Variants in NEK6 observed in about 807,000 individuals in gnomAD.
NEK6 encodes the protein NIMA related kinase 6, also known as serine/threonine-protein kinase Nek6.
Under a neutral mutation model 43.5 loss-of-function variants are expected in NEK6, and 27 were observed. That is an observed-to-expected ratio of 0.62 (90% CI 0.46 to 0.86). The LOEUF is 0.86. NEK6 is among the 40% of genes least tolerant of loss of function. The probability of loss-of-function intolerance (pLI) is 0.00; values close to 1 mark genes in which losing one functional copy is unlikely to be tolerated. For synonymous variants in NEK6, 167 were observed against 164.1 expected, an observed-to-expected ratio of 1.02 and a Z score of -0.14; for missense variants, 318 against 414.4, an observed-to-expected ratio of 0.77 and a Z score of 2.02.
intron 1 of NEK6, among the ~76,000 whole-genome samples, chr9:124,297,005 C>G (rs754198709): frequency 6.6e-6 from 1 of 152,256 alleles, no homozygotes; most frequent in Non-Finnish European, 1.5e-5. Flanking sequence ...AGAGCCTCAT[C>G]CATGGCCGGG....
intron 1 of NEK6, among the ~76,000 whole-genome samples, chr9:124,273,552 G>A (rs373032315): frequency 2.4e-3 from 372 of 152,320 alleles, no homozygotes; most frequent in Middle Eastern, 6.8e-3. Flanking sequence ...GGGTGATGGG[G>A]TTTTATAGCA....
intron 1 of NEK6, chr9:124,292,062 G>A (rs1832447019): frequency 9.8e-7 from 1 of 1,024,864 alleles, no homozygotes. Flanking sequence ...GACCTTCCCT[G>A]GAGCTTCTCA....
intron 1 of NEK6, among the ~76,000 whole-genome samples, chr9:124,269,048 G>A (rs1221489018): frequency 1.3e-5 from 2 of 152,134 alleles, no homozygotes; most frequent in Non-Finnish European, 2.9e-5. Flanking sequence ...ATGTTTTGGG[G>A]TTTTATGACA....
chr9:124,285,651 G>A (rs1447996041), intron 1 of NEK6, among the ~76,000 whole-genome samples: 2 of 152,148 alleles, frequency 1.3e-5, no homozygotes, highest in Non-Finnish European at 2.9e-5. Context: ...AGGCCCGCTG[G>A]CTCCACTGTG....
intron 4 of NEK6, among the ~76,000 whole-genome samples, chr9:124,316,794 C>T (rs546861098): frequency 6.6e-6 from 1 of 152,362 alleles, no homozygotes; most frequent in African/African-American, 2.4e-5. Flanking sequence ...AACCCCCTGC[C>T]CTCAGACGTG....
intron 7 of NEK6, among the ~76,000 whole-genome samples, chr9:124,333,206 C>G (rs1027292722): frequency 6.6e-6 from 1 of 152,312 alleles, no homozygotes; most frequent in Non-Finnish European, 1.5e-5. Context: ...AAAACTCATG[C>G]GAGTTGGGCA....
rs572091232 is a variant in NEK6 at position 124,330,145 on chromosome 9, G to A, written c.622+2700G>A. Among the ~76,000 whole-genome samples, 34 of 152,304 alleles carry A rather than the reference G, an allele frequency of 2.2e-4. 1 individual carries two copies. The South Asian group carries it at 2.7e-3, about 12-fold the overall frequency. ...AAGGGCATTAGTCAGTGCCATGGTC[G>A]GGCTGACAGGTGCGGTACCCAGCGG... is the stretch of plus-strand genomic sequence containing the variant. On this transcript the variant is annotated intron_variant, in intron 7 of 9. Transcript: ENST00000320246.
chr9:124,301,834 T>G, intron 1 of NEK6, 102 bp from the exon 2 acceptor site: 1 of 946,412 alleles, frequency 1.1e-6, no homozygotes, highest in African/African-American at 1.6e-5. Flanking sequence ...TGAACGGCTT[T>G]GCACCTCAGC....
intron 8 of NEK6, among the ~76,000 whole-genome samples, chr9:124,345,079 G>A (rs1829847637): frequency 6.6e-6 from 1 of 152,206 alleles, no homozygotes; most frequent in South Asian, 2.1e-4. Flanking sequence ...CTCCTGGTGG[G>A]GGCCAGGGCC....
chr9:124,283,105 A>G (rs982852554), intron 1 of NEK6, among the ~76,000 whole-genome samples: 47 of 152,220 alleles, frequency 3.1e-4, no homozygotes, highest in African/African-American at 9.4e-4. Context: ...ATCTCAAGCA[A>G]GGGAGTCCCA....
At chr9:124,280,862 G>A (rs1023807176) in intron 1 of NEK6, among the ~76,000 whole-genome samples, 10 of 151,998 alleles carry the variant, frequency 6.6e-5, no homozygotes, top group South Asian at 6.2e-4. Context: ...TCGTGATCTC[G>A]GCTCACTGCA....
chr9:124,327,282 C>T, intron 6 of NEK6, 56 bp from the exon 7 acceptor site: 1 of 1,428,650 alleles, frequency 7.0e-7, no homozygotes, highest in Non-Finnish European at 9.9e-7. Context: ...TCTCGTCCTG[C>T]CCCACCTACC....
chr9:124,326,202 T>TCCACCCCCCCC lies in NEK6; in HGVS notation c.406-126_406-125insACCCCCCCCCC. ...GCTTATTGTTTGCTCAGTGGCTCAA[T>TCCACCCCCCCC]CCCCCCCCCCCGCCCCTGCCAGGCA... On this transcript the variant is annotated intron_variant, in intron 5 of 9. Transcript: ENST00000320246. This position sits in a 1 kb window ranked among gnomAD's most constrained non-coding sequence, Gnocchi z 4.5. 1 of 124,050 alleles carries TCCACCCCCCCC rather than the reference T, an allele frequency of 8.1e-6. No individual in the cohort carries two copies. Among genetic ancestry groups the TCCACCCCCCCC allele is most frequent in the South Asian group, 6.5e-5 (1 of 15,360 alleles). The allele number at this position is 124,050 out of a possible 1,614,324, so 7.7% of individuals were successfully genotyped here.
rs376199456 is a variant in NEK6 at position 124,269,636 on chromosome 9, G to T, written c.-30+11551G>T. On this transcript the variant is annotated intron_variant, in intron 1 of 9. Transcript: ENST00000320246. ...CCTCGGTGGACTTTCTAAATCACAG[G>T]AAAGGAAGGTGATGTCTGTAAAATG... is the stretch of plus-strand genomic sequence containing the variant. Among the ~76,000 whole-genome samples the T allele has an allele frequency of 2.6e-3, 397 of 152,202 alleles. 3 individuals carry two copies. The highest frequency in any genetic ancestry group is 8.5e-3 in the African/African-American group (355 of 41,524).
chr9:124,259,085 C>G (rs1232120927), intron 1 of NEK6, among the ~76,000 whole-genome samples: 1 of 152,192 alleles, frequency 6.6e-6, no homozygotes, highest in African/African-American at 2.4e-5. Context: ...AGGACAGTAA[C>G]AAATTGATCA....
chr9:124,319,537 G>A (rs1028167806), intron 4 of NEK6, among the ~76,000 whole-genome samples: 3 of 152,190 alleles, frequency 2.0e-5, no homozygotes, highest in Admixed American at 6.5e-5. Flanking sequence ...CAAGGCTAAC[G>A]CTGAGAAAGG....
intron 1 of NEK6, among the ~76,000 whole-genome samples, chr9:124,298,742 G>A (rs1832818130): frequency 1.3e-5 from 2 of 152,144 alleles, no homozygotes; most frequent in African/African-American, 4.8e-5. Flanking sequence ...CTTGGGACCC[G>A]GGCAAATCTC....
chr9:124,319,307 TTG>T (rs1028113840), intron 4 of NEK6, among the ~76,000 whole-genome samples: 2,102 of 150,748 alleles, frequency 0.014, 39 homozygotes, highest in African/African-American at 0.05. Flanking sequence ...TTTTAATGTT[TTG>T]TTTTTTTTTA....
At chr9:124,339,893 G>A (rs905947735) in intron 8 of NEK6, among the ~76,000 whole-genome samples, 2 of 91,334 alleles carry the variant, frequency 2.2e-5, no homozygotes, top group African/African-American at 7.5e-5. Context: ...AGCAGTGGGC[G>A]GGGTCCAGGA....
Sources: gnomAD v4.1 joint callset for allele counts (sites outside exome capture counted in the v4.1 genomes callset) on GRCh38, gnomAD v4.1.1 for gene constraint, Gnocchi (gnomAD v3.1) non-coding constraint, MANE v1.5 for transcripts, NCBI Gene and HGNC (gene_info 2026-07-23, HGNC 2026-07-21) for gene names.